Variants in DLG2 observed in about 807,000 individuals in gnomAD.
The protein encoded by DLG2 is disks large homolog 2.
Under a neutral mutation model 132.5 loss-of-function variants are expected in DLG2, and 45 were observed. The ratio of observed to expected loss-of-function variants is 0.34; its 90% CI spans 0.27 to 0.44. The LOEUF is 0.44. Among genes scored for constraint, DLG2 ranks in the 20% least tolerant of loss-of-function variants. DLG2 has a pLI of 1.00. For missense variants in DLG2, 1,045 were observed against 1,196.9 expected (o/e 0.87, Z 1.87); for synonymous variants, 424 against 419.6 (o/e 1.01, Z -0.13).
At chr11:84,069,292 C>T (rs943350774) in intron 10 of DLG2, among the ~76,000 whole-genome samples, 1 of 152,160 alleles carries the variant, frequency 6.6e-6, no homozygotes, top group Non-Finnish European at 1.5e-5. Context: ...AATACTCAAT[C>T]TTATGTAGAC....
At chr11:84,406,954 T>C (rs959818643) in intron 7 of DLG2, among the ~76,000 whole-genome samples, 1 of 152,166 alleles carries the variant, frequency 6.6e-6, no homozygotes, top group Non-Finnish European at 1.5e-5. Context: ...AGCTCACAGA[T>C]AGGAGAAATC....
At chr11:84,491,325 C>A (rs1158109354) in intron 7 of DLG2, among the ~76,000 whole-genome samples, 6 of 152,018 alleles carry the variant, frequency 3.9e-5, no homozygotes, top group African/African-American at 1.4e-4. Context: ...GGGGAGTTTT[C>A]CTGCACAAAC....
At chr11:83,970,222 G>A (rs1183679435) in intron 12 of DLG2, among the ~76,000 whole-genome samples, 7 of 152,302 alleles carry the variant, frequency 4.6e-5, no homozygotes, top group Admixed American at 6.5e-5. Context: ...TGTGGTCAGT[G>A]CTTATTAAAT....
intron 4 of DLG2, among the ~76,000 whole-genome samples, chr11:85,208,132 T>A (rs2082026045): frequency 2.0e-5 from 3 of 152,130 alleles, no homozygotes; most frequent in Non-Finnish European, 4.4e-5. Context: ...AAATAGATGT[T>A]CATTTCATTC....
At chr11:84,782,969 C>T (rs2153913015) in intron 6 of DLG2, among the ~76,000 whole-genome samples, 1 of 152,202 alleles carries the variant, frequency 6.6e-6, no homozygotes, top group East Asian at 1.9e-4. Context: ...GCTGTTTCAA[C>T]CTTTAGTCCT....
chr11:85,589,204 G>C (rs920711080), intron 3 of DLG2, among the ~76,000 whole-genome samples: 3 of 152,196 alleles, frequency 2.0e-5, no homozygotes, highest in African/African-American at 7.2e-5. Flanking sequence ...GGTTAGCCAG[G>C]ATGTTGCAGG....
At chr11:84,182,355 G>A (rs2096155186) in intron 8 of DLG2, among the ~76,000 whole-genome samples, 1 of 150,718 alleles carries the variant, frequency 6.6e-6, no homozygotes, top group Admixed American at 6.6e-5. Context: ...AACATAGGGA[G>A]ACCCCAACTC....
intron 6 of DLG2, among the ~76,000 whole-genome samples, chr11:84,944,282 G>C (rs575261543): frequency 2.0e-5 from 3 of 152,106 alleles, no homozygotes; most frequent in South Asian, 4.2e-4. Flanking sequence ...TCTACATTTG[G>C]GAAGTTCTCT....
chr11:83,839,594 T>C (rs965421351), intron 16 of DLG2, among the ~76,000 whole-genome samples: 3 of 152,142 alleles, frequency 2.0e-5, no homozygotes, highest in Non-Finnish European at 2.9e-5. Context: ...TTTCATCCAT[T>C]TGATGGAGAG....
intron 8 of DLG2, among the ~76,000 whole-genome samples, chr11:84,245,046 T>C (rs940180950): frequency 5.9e-5 from 9 of 152,214 alleles, no homozygotes; most frequent in South Asian, 4.1e-4. Flanking sequence ...AGAGCTCTTG[T>C]CCTCAGCTTC....
intron 7 of DLG2, among the ~76,000 whole-genome samples, chr11:84,296,329 AACAG>A (rs1231552547): frequency 6.6e-6 from 1 of 152,192 alleles, no homozygotes; most frequent in Non-Finnish European, 1.5e-5. Flanking sequence ...AATTGTGAGA[AACAG>A]ACAGGATTCC....
chr11:85,171,684 G>T (rs1353089230), intron 4 of DLG2, among the ~76,000 whole-genome samples: 1 of 152,184 alleles, frequency 6.6e-6, no homozygotes, highest in Admixed American at 6.5e-5. Context: ...CCAGCCAGTG[G>T]CAGCAGGCTG....
At chr11:85,614,474 T>C (rs1319058903) in intron 2 of DLG2, among the ~76,000 whole-genome samples, 2 of 152,002 alleles carry the variant, frequency 1.3e-5, no homozygotes, top group African/African-American at 4.8e-5. Flanking sequence ...AACCCCGTTT[T>C]TACTAAAAAT....
chr11:84,329,455 T>C (rs369170673), intron 7 of DLG2, among the ~76,000 whole-genome samples: 1 of 152,204 alleles, frequency 6.6e-6, no homozygotes, highest in Non-Finnish European at 1.5e-5. Context: ...TGAGATCTGA[T>C]AGTTTTATAA....
At chr11:85,615,991 G>A (rs1038523715) in intron 2 of DLG2, among the ~76,000 whole-genome samples, 3 of 147,180 alleles carry the variant, frequency 2.0e-5, no homozygotes, top group Non-Finnish European at 4.4e-5. Flanking sequence ...ATATGGTCTA[G>A]GTCTCTTGAT....
At chr11:84,947,354 C>A (rs751187347) in intron 6 of DLG2, among the ~76,000 whole-genome samples, 27 of 152,268 alleles carry the variant, frequency 1.8e-4, no homozygotes, top group Middle Eastern at 6.8e-3. Flanking sequence ...ACAGTCTCTG[C>A]AGTAACTGGC....
Position 84,000,853 on chromosome 11 carries a change from T to C in DLG2, c.920-20211A>G, listed in dbSNP as rs369051060. On this transcript the variant is annotated intron_variant, in intron 11 of 27. Transcript: ENST00000376104. ...ACTAGACCAGCTCTATAAGAAATGC[T>C]CAAGGGAGTCCTAAACCTGGAAGGA... is the stretch of plus-strand genomic sequence containing the variant. Among the ~76,000 whole-genome samples, 131 of 152,096 alleles carry C rather than the reference T, an allele frequency of 8.6e-4. 1 individual carries two copies. Among genetic ancestry groups the C allele is most frequent in the African/African-American group, 3.1e-3 (127 of 41,500 alleles).
rs1441117813 is a variant in DLG2 at position 84,568,330 on chromosome 11, G to A, written c.358-33599C>T. 5.9e-5 allele frequency among the ~76,000 whole-genome samples: 9 copies of A among 152,048 alleles called. No homozygotes were observed. In the East Asian group the frequency reaches 1.2e-3, roughly 20 times the overall value. On this transcript the variant is annotated intron_variant, in intron 6 of 27. Coordinates refer to ENST00000376104, the MANE Select transcript of DLG2 (RefSeq NM_001142699.3). ...TCGAGACTATCCTGTGCTAGGTGGC[G>A]AAACCCCGTCTCTACTAAAAATACA... is the stretch of plus-strand genomic sequence containing the variant.
chr11:83,486,386 A>AAAAC (rs2093508779), intron 21 of DLG2: 2 of 567,210 alleles, frequency 3.5e-6, no homozygotes, highest in South Asian at 4.5e-5. Context: ...ATGCAAATAC[A>AAAAC]AAACAATGCC....
Sources: allele counts gnomAD v4.1 joint callset (sites outside exome capture counted in the v4.1 genomes callset), GRCh38; gene constraint gnomAD v4.1.1; transcripts MANE v1.5; gene names NCBI Gene and HGNC (gene_info 2026-07-23, HGNC 2026-07-21).